Variants in WWC1 observed in about 807,000 individuals in gnomAD.
The protein encoded by WWC1 is protein KIBRA.
In WWC1, 55 loss-of-function variants were observed where a neutral mutation model predicts 138.4. The observed-to-expected ratio is 0.40, with a 90% CI of 0.32 to 0.50. The LOEUF (loss-of-function observed/expected upper bound fraction) is 0.50. Among genes scored for constraint, WWC1 ranks in the 20% least tolerant of loss-of-function variants. The pLI is 0.72. For missense variants in WWC1, 1,226 were observed against 1,420.4 expected (o/e 0.86, Z 2.20); for synonymous variants, 524 against 564.9 (o/e 0.93, Z 1.03).
intron 20 of WWC1, 110 bp from the exon 21 acceptor site, chr5:168,464,619 G>A (rs189503107): frequency 4.1e-5 from 61 of 1,483,998 alleles, no homozygotes; most frequent in African/African-American, 3.7e-4. Flanking sequence ...AGCCCCATTC[G>A]GAAGGAGTGG....
In WWC1 at chr5:168,292,596, C is replaced by A. The variant is rs1162811538; in HGVS notation, c.119+325C>A. ...GCCCGCCCCCTTTAGGAAGAGAGGT[C>A]GGGCGGGGGCGGGGGTTGGGGGAGC... On this transcript the variant is annotated intron_variant, in intron 1 of 22. Transcript: ENST00000265293. This position sits in a 1 kb window ranked among gnomAD's most constrained non-coding sequence, Gnocchi z 4.4. Among the ~76,000 whole-genome samples, 1 of 151,204 alleles carries A rather than the reference C, an allele frequency of 6.6e-6. No homozygotes were observed. Among genetic ancestry groups the A allele is most frequent in the Non-Finnish European group, 1.5e-5 (1 of 67,740 alleles).
At chr5:168,392,567 C>T (rs1778585337) in intron 3 of WWC1, among the ~76,000 whole-genome samples, 2 of 152,156 alleles carry the variant, frequency 1.3e-5, no homozygotes, top group Non-Finnish European at 2.9e-5. Flanking sequence ...GTGGCAAGCA[C>T]CTGTAGTCCC....
intron 1 of WWC1, among the ~76,000 whole-genome samples, chr5:168,336,862 C>A (rs555292333): frequency 2.0e-5 from 3 of 152,170 alleles, no homozygotes; most frequent in Non-Finnish European, 2.9e-5. Context: ...AGATGCCTAC[C>A]CTGTCTGTGC....
intron 17 of WWC1, among the ~76,000 whole-genome samples, chr5:168,445,723 AAAG>A (rs1396590576): frequency 3.8e-4 from 58 of 151,496 alleles, no homozygotes; most frequent in Non-Finnish European, 7.4e-4. Context: ...AAAAAAAAAA[AAAG>A]AGTAAGCAGT....
intron 5 of WWC1, among the ~76,000 whole-genome samples, chr5:168,403,006 T>TTTTCTTTCTTTCTTTCTTTCTTTCTTTC (rs72242963): frequency 4.5e-4 from 48 of 105,680 alleles, no homozygotes; most frequent in Middle Eastern, 4.9e-3. Flanking sequence ...TGTTGTTTCT[T>TTTTCTTTCTTTCTTTCTTTCTTTCTTTC]TTTCTTTCTT....
At chr5:168,356,904 A>G (rs1017028589) in intron 1 of WWC1, among the ~76,000 whole-genome samples, 4 of 152,168 alleles carry the variant, frequency 2.6e-5, no homozygotes, top group Non-Finnish European at 5.9e-5. Context: ...GCTCATATCC[A>G]ATAATCCTGG....
intron 1 of WWC1, among the ~76,000 whole-genome samples, chr5:168,362,777 C>T (rs991239130): frequency 6.6e-6 from 1 of 152,140 alleles, no homozygotes; most frequent in African/African-American, 2.4e-5. Context: ...GGGATGGACC[C>T]AAAGGGCACA....
intron 16 of WWC1, among the ~76,000 whole-genome samples, chr5:168,442,477 T>A (rs1370192629): frequency 1.3e-5 from 2 of 150,734 alleles, no homozygotes. Flanking sequence ...AAAAAAAAGT[T>A]TTTATGATGC....
At chr5:168,441,546 G>A (rs757769642) in intron 15 of WWC1, 136 bp from the exon 16 acceptor site, 1 of 710,576 alleles carries the variant, frequency 1.4e-6, no homozygotes, top group Non-Finnish European at 2.2e-6. Context: ...TAACAACTTG[G>A]CCTCTCTTCC....
At chr5:168,317,803 T>G (rs1348842583) in intron 1 of WWC1, among the ~76,000 whole-genome samples, 1 of 152,226 alleles carries the variant, frequency 6.6e-6, no homozygotes, top group Non-Finnish European at 1.5e-5. Flanking sequence ...GAATATGTCC[T>G]TCCAGATGTC....
intron 9 of WWC1, 41 bp downstream of exon 9, chr5:168,414,631 C>T (rs1246928683): frequency 1.3e-6 from 2 of 1,516,062 alleles, no homozygotes; most frequent in Non-Finnish European, 1.8e-6. Context: ...CCTTCTCTCA[C>T]TGGCAGTCTG....
At chr5:168,339,283 G>C (rs1172561063) in intron 1 of WWC1, among the ~76,000 whole-genome samples, 1 of 152,120 alleles carries the variant, frequency 6.6e-6, no homozygotes, top group African/African-American at 2.4e-5. Context: ...AGAGCAGAGG[G>C]ATGAGGGTGG....
rs140545707 is a variant in WWC1 at position 168,391,002 on chromosome 5, T to G, written c.433+5588T>G. ...AGTGGCTTCCCCAAAGGCACACTGGTAAAGAGTGGCAAGGTAGCCTTTGTA... is the reference window on the plus strand; with the variant it reads ...AGTGGCTTCCCCAAAGGCACACTGGGAAAGAGTGGCAAGGTAGCCTTTGTA... On this transcript the variant is annotated intron_variant, in intron 3 of 22. Coordinates refer to ENST00000265293, the MANE Select transcript of WWC1 (RefSeq NM_015238.3). Among the ~76,000 whole-genome samples, 215 of 152,328 alleles carry G rather than the reference T, an allele frequency of 1.4e-3. 1 individual carries two copies. The highest frequency in any genetic ancestry group is 6.6e-3 in the South Asian group (32 of 4,830).
In WWC1 at chr5:168,423,892, C is replaced by G; in HGVS notation, c.1634C>G (p.Pro545Arg). 6.2e-7 allele frequency: 1 copy of G among 1,614,106 alleles called. No individual in the cohort carries two copies. Among genetic ancestry groups the G allele is most frequent in the Non-Finnish European group, 8.5e-7 (1 of 1,180,000 alleles). The change falls in exon 11 of 23, where the codon CCA becomes CGA. Residue 545 changes from proline (P) to arginine (R), a missense_variant. Pro to Arg is a moderately radical substitution (Grantham distance 103). Coordinates refer to ENST00000265293, the MANE Select transcript of WWC1 (RefSeq NM_015238.3). ...CGTTCCTCTCTCTCCTCCCCCTCCC[C>G]ACCCTGTTCCCCTCTCATGGCTGAC... is the stretch of plus-strand genomic sequence containing the variant. ...SPRSSLSSPS[P>R]PCSPLMADPL...
At chr5:168,452,960 C>A (rs1036343728) in intron 17 of WWC1, among the ~76,000 whole-genome samples, 1 of 152,234 alleles carries the variant, frequency 6.6e-6, no homozygotes, top group African/African-American at 2.4e-5. Context: ...CGCGGTGGCT[C>A]ACGCCTATAA....
In WWC1 at chr5:168,355,865, G is replaced by A. The variant is rs200710592; in HGVS notation, c.120-15559G>A. 2.0e-5 allele frequency among the ~76,000 whole-genome samples: 3 copies of A among 152,074 alleles called. No individual in the cohort carries two copies. In the East Asian group the frequency reaches 5.8e-4, roughly 29 times the overall value. On this transcript the variant is annotated intron_variant, in intron 1 of 22. Transcript: ENST00000265293. ...ATAAACAGCTGGAGAAGTGAGGAAA[G>A]GGTGCTGCAAAGTGGGGAGAGAAGG... is the stretch of plus-strand genomic sequence containing the variant.
intron 1 of WWC1, among the ~76,000 whole-genome samples, chr5:168,359,019 GT>G (rs1414393899): frequency 3.8e-5 from 5 of 130,470 alleles, no homozygotes; most frequent in East Asian, 4.9e-4. Context: ...TTTTGTTGTT[GT>G]TGGTGGTGGT....
chr5:168,375,498 G>A (rs1404840399), intron 2 of WWC1, among the ~76,000 whole-genome samples: 1 of 152,314 alleles, frequency 6.6e-6, no homozygotes, highest in East Asian at 1.9e-4. Flanking sequence ...CCTGACTAGA[G>A]TGAGTCTAAA....
intron 10 of WWC1, among the ~76,000 whole-genome samples, chr5:168,423,122 G>A (rs957270264): frequency 7.4e-6 from 1 of 135,444 alleles, no homozygotes; most frequent in Non-Finnish European, 1.5e-5. Flanking sequence ...CTCCAGCCTG[G>A]CGACAGAGCA....
Sources: allele counts gnomAD v4.1 joint callset (sites outside exome capture counted in the v4.1 genomes callset), GRCh38; gene constraint gnomAD v4.1.1; non-coding constraint Gnocchi (gnomAD v3.1); transcripts MANE v1.5; gene names NCBI Gene and HGNC (gene_info 2026-07-23, HGNC 2026-07-21).